Variants in WDR37 observed in about 807,000 individuals in gnomAD.
WDR37 encodes the protein WD repeat-containing protein 37.
WDR37 carries 19 observed loss-of-function variants against 62.9 expected under a neutral mutation model. The observed-to-expected ratio is 0.30, with a 90% confidence interval of 0.21 to 0.44. The LOEUF (loss-of-function observed/expected upper bound fraction) is 0.44. WDR37 is among the 20% of genes least tolerant of loss of function. The probability of loss-of-function intolerance (pLI) is 1.00; values close to 1 mark genes in which losing one functional copy is unlikely to be tolerated. For missense variants in WDR37, 474 were observed against 657.6 expected (o/e 0.72, Z 3.05); for synonymous variants, 250 against 260.9 (o/e 0.96, Z 0.40).
rs961664047 is a variant in WDR37 at position 1,124,198 on chromosome 10, T to C, written c.1104-20T>C. The C allele has an allele frequency of 6.2e-6, 10 of 1,614,000 alleles. No homozygotes were observed. In the Admixed American group the frequency reaches 6.7e-5, roughly 11 times the overall value. ...TCCTGCACCTGCTGTTGCATCTGAC[T>C]CTGTGCCCTTTGTTCATAGCACTGT... is the stretch of plus-strand genomic sequence containing the variant. On this transcript the variant is annotated intron_variant, in intron 11 of 13. Coordinates refer to ENST00000263150, the MANE Select transcript of WDR37 (RefSeq NM_014023.4).
intron 1 of WDR37, among the ~76,000 whole-genome samples, chr10:1,067,917 C>T (rs776156412): frequency 5.9e-4 from 89 of 152,060 alleles, no homozygotes; most frequent in Non-Finnish European, 1.2e-3. Flanking sequence ...TTATGCCATT[C>T]GCAGCAACAT....
intron 1 of WDR37, among the ~76,000 whole-genome samples, chr10:1,068,636 G>T (rs974470691): frequency 6.6e-6 from 1 of 152,030 alleles, no homozygotes; most frequent in Non-Finnish European, 1.5e-5. Flanking sequence ...ATGTGTTCCT[G>T]ATGATAATGT....
intron 1 of WDR37, among the ~76,000 whole-genome samples, chr10:1,068,363 A>G (rs911566530): frequency 1.3e-5 from 1 of 74,414 alleles, no homozygotes; most frequent in African/African-American, 5.9e-5. Context: ...CGCCTGAGGC[A>G]GGAGAATGGC....
intron 5 of WDR37, among the ~76,000 whole-genome samples, chr10:1,084,066 A>AT (rs1182229315): frequency 6.6e-6 from 1 of 152,168 alleles, no homozygotes; most frequent in Non-Finnish European, 1.5e-5. Flanking sequence ...GAATTTGGAA[A>AT]TTTTGTCTCA....
At chr10:1,099,709 A>C (rs1248519171) in intron 9 of WDR37, among the ~76,000 whole-genome samples, 2 of 150,946 alleles carry the variant, frequency 1.3e-5, no homozygotes, top group African/African-American at 2.4e-5. Flanking sequence ...TGGAGAGGTG[A>C]GGAGGGTGAG....
intron 1 of WDR37, among the ~76,000 whole-genome samples, chr10:1,066,277 T>G (rs546517993): frequency 5.5e-4 from 84 of 152,214 alleles, no homozygotes; most frequent in Non-Finnish European, 1.1e-3. Flanking sequence ...CACCACGCCC[T>G]GCTAATTTTT....
At chr10:1,119,246 G>A (rs1366346740) in intron 11 of WDR37, among the ~76,000 whole-genome samples, 1 of 152,224 alleles carries the variant, frequency 6.6e-6, no homozygotes, top group Admixed American at 6.5e-5. Context: ...CAGAGCAAGA[G>A]AACACAGAGC....
intron 3 of WDR37, among the ~76,000 whole-genome samples, chr10:1,079,171 G>A (rs1371912561): frequency 2.0e-5 from 3 of 150,088 alleles, no homozygotes; most frequent in African/African-American, 7.5e-5. Flanking sequence ...TGCAACCTCC[G>A]CCTCCCAAGT....
intron 11 of WDR37, among the ~76,000 whole-genome samples, chr10:1,120,101 C>A (rs1246816899): frequency 1.3e-5 from 2 of 152,214 alleles, no homozygotes; most frequent in African/African-American, 4.8e-5. Context: ...AATGTGACTT[C>A]TCCGTTTCTT....
chr10:1,074,065 T>G (rs1833798103), intron 2 of WDR37, among the ~76,000 whole-genome samples: 1 of 152,250 alleles, frequency 6.6e-6, no homozygotes, highest in African/African-American at 2.4e-5. Context: ...GCACTTGAAA[T>G]GTAGCCAGTG....
At chr10:1,063,131 T>G (rs1833424703) in intron 1 of WDR37, among the ~76,000 whole-genome samples, 1 of 151,830 alleles carries the variant, frequency 6.6e-6, no homozygotes, top group Non-Finnish European at 1.5e-5. Context: ...AAGGTAGACT[T>G]CCTTCGTACA....
At chr10:1,074,304 C>G (rs1833803165) in intron 2 of WDR37, 3 of 1,198,822 alleles carry the variant, frequency 2.5e-6, no homozygotes, top group Admixed American at 6.6e-5. Context: ...TTTTCTGGGC[C>G]CTGAATGCCC....
At position 1,063,137 on chromosome 10, in the gene WDR37, G is replaced by A. The variant is rs968381861; in HGVS notation, c.-41+6169G>A. ...GGAGAAAAGAAGGTAGACTTCCTTC[G>A]TACATTGGGACCACAGAAATGACAC... On this transcript the variant is annotated intron_variant, in intron 1 of 13. Transcript: ENST00000263150. 6.6e-5 allele frequency among the ~76,000 whole-genome samples: 10 copies of A among 151,336 alleles called. No individual in the cohort carries two copies. In the East Asian group the frequency reaches 1.5e-3, roughly 23 times the overall value.
At chr10:1,087,266 C>T (rs1834235174) in intron 7 of WDR37, among the ~76,000 whole-genome samples, 1 of 152,232 alleles carries the variant, frequency 6.6e-6, no homozygotes, top group Non-Finnish European at 1.5e-5. Context: ...CCCTGGCATC[C>T]CACAGACTGG....
intron 11 of WDR37, among the ~76,000 whole-genome samples, chr10:1,111,905 CT>C (rs1004991996): frequency 1.2e-3 from 163 of 136,466 alleles, no homozygotes; most frequent in Admixed American, 1.4e-3. Flanking sequence ...CTCTCTCTCT[CT>C]TTTTTTTTTT....
At position 1,130,795 on chromosome 10, in the gene WDR37, T is replaced by C. The variant is rs1480358043; in HGVS notation, c.*1451T>C. ...GCAGGTGCAGTAGGACGTGGGACTT[T>C]TGGACCCGTCCTTTGGTGCAGCTCG... On this transcript the variant is annotated 3_prime_UTR_variant, in exon 14 of 14. Transcript: ENST00000263150. The C allele has an allele frequency of 6.6e-6, 1 of 152,078 alleles. No homozygotes were observed. Among genetic ancestry groups the C allele is most frequent in the Admixed American group, 6.5e-5 (1 of 15,276 alleles). The allele number at this position is 152,078 out of a possible 1,614,324, so 9.4% of individuals were successfully genotyped here.
intron 11 of WDR37, among the ~76,000 whole-genome samples, chr10:1,123,116 C>T (rs1835638994): frequency 1.3e-5 from 2 of 152,104 alleles, no homozygotes; most frequent in African/African-American, 4.8e-5. Context: ...GTTCCTCGAG[C>T]CTCTCCCTGA....
chr10:1,089,716 A>G lies in WDR37; in HGVS notation c.604+3359A>G, dbSNP rs117003837. Among the ~76,000 whole-genome samples, 30 of 81,090 alleles carry G rather than the reference A, an allele frequency of 3.7e-4. 1 individual carries two copies. The highest frequency in any genetic ancestry group is 9.6e-4 in the Admixed American group (7 of 7,306). 53.2% of individuals were successfully genotyped at this position (81,090 alleles called of 152,430 possible). Reference sequence around the variant, plus strand: ...TTCGGCCTTCCCGTGCTCACCCGCAATTCAACCTTCCTGTGTTCACTCACT... The same window carrying G: ...TTCGGCCTTCCCGTGCTCACCCGCAGTTCAACCTTCCTGTGTTCACTCACT... On this transcript the variant is annotated intron_variant, in intron 7 of 13. Coordinates refer to ENST00000263150, the MANE Select transcript of WDR37 (RefSeq NM_014023.4).
rs183316283 is a variant in WDR37, at chr10:1,068,081, G to A, written c.-40-4035G>A. 3.9e-3 allele frequency among the ~76,000 whole-genome samples: 591 copies of A among 152,252 alleles called. 4 individuals carry two copies. Among genetic ancestry groups the A allele is most frequent in the Non-Finnish European group, 5.0e-3 (340 of 68,020 alleles). On this transcript the variant is annotated intron_variant, in intron 1 of 13. Transcript: ENST00000263150. ...ATAGAGACCGGGAAGGGTGTGAGTC[G>A]GGGGCGGAGGGAGGATGAGAAGAGA...
Sources: gnomAD v4.1 joint callset for allele counts (sites outside exome capture counted in the v4.1 genomes callset) on GRCh38, gnomAD v4.1.1 for gene constraint, MANE v1.5 for transcripts, NCBI Gene and HGNC (gene_info 2026-07-23, HGNC 2026-07-21) for gene names.